The following AUTS2 variants were observed in gnomAD, a reference collection of about 807,000 sequenced individuals.
The protein encoded by AUTS2 is activator of transcription and developmental regulator AUTS2.
A neutral mutation model predicts 112.4 loss-of-function variants in AUTS2; 17 were observed. The ratio of observed to expected loss-of-function variants is 0.15; its 90% confidence interval spans 0.10 to 0.23. The LOEUF (loss-of-function observed/expected upper bound fraction) is 0.23, where lower values mean the gene tolerates loss of function less well. Among genes scored for constraint, AUTS2 ranks in the 10% least tolerant of loss-of-function variants. The pLI, the probability that AUTS2 is intolerant of heterozygous loss-of-function variation, is 1.00. For missense variants in AUTS2, 1,510 were observed against 1,701.6 expected, an observed-to-expected ratio of 0.89 and a Z score of 1.98; for synonymous variants, 751 against 702.7, an observed-to-expected ratio of 1.07 and a Z score of -1.09.
chr7:69,930,079 A>G (rs1796170112), intron 2 of AUTS2, among the ~76,000 whole-genome samples: 1 of 152,176 alleles, frequency 6.6e-6, no homozygotes, highest in African/African-American at 2.4e-5. Context: ...ATTCCTCATT[A>G]CTTTTGCAAG....
intron 5 of AUTS2, among the ~76,000 whole-genome samples, chr7:70,686,431 C>T (rs1335113001): frequency 6.6e-6 from 1 of 152,154 alleles, no homozygotes; most frequent in East Asian, 1.9e-4. Context: ...AGGATTTGAA[C>T]CCATTGGTTC....
chr7:70,156,028 G>A (rs1386217197), intron 4 of AUTS2, among the ~76,000 whole-genome samples: 1 of 152,094 alleles, frequency 6.6e-6, no homozygotes, highest in East Asian at 1.9e-4. Flanking sequence ...TGACACGTGG[G>A]TAGTGCTGAC....
intron 4 of AUTS2, among the ~76,000 whole-genome samples, chr7:70,197,083 T>C (rs1006401977): frequency 2.0e-5 from 3 of 152,220 alleles, no homozygotes; most frequent in Non-Finnish European, 2.9e-5. Context: ...CATTCTCTTA[T>C]ATACATTTGC....
chr7:69,683,107 G>A (rs139662987), intron 1 of AUTS2, among the ~76,000 whole-genome samples: 2 of 152,374 alleles, frequency 1.3e-5, no homozygotes, highest in East Asian at 3.9e-4. Context: ...TATATTGGGA[G>A]GCTGGATGAG....
At chr7:69,806,489 CAG>C (rs1162247935) in intron 1 of AUTS2, among the ~76,000 whole-genome samples, 2 of 151,944 alleles carry the variant, frequency 1.3e-5, no homozygotes, top group Admixed American at 6.6e-5. Flanking sequence ...TTTTTTGAGA[CAG>C]AGGCTCACTC....
chr7:69,809,341 G>C (rs1400727438), intron 1 of AUTS2, among the ~76,000 whole-genome samples: 1 of 151,816 alleles, frequency 6.6e-6, no homozygotes, highest in African/African-American at 2.4e-5. Flanking sequence ...GCCTCCCAAA[G>C]TGCTGGGATT....
At chr7:70,619,132 C>A (rs759201355) in intron 5 of AUTS2, among the ~76,000 whole-genome samples, 20 of 152,168 alleles carry the variant, frequency 1.3e-4, no homozygotes, top group Non-Finnish European at 2.6e-4. Context: ...AGACCTTCCC[C>A]CCCTCCCCAT....
chr7:70,083,912 A>G (rs569539949), intron 2 of AUTS2, among the ~76,000 whole-genome samples: 5 of 152,082 alleles, frequency 3.3e-5, no homozygotes, highest in Admixed American at 6.6e-5. Flanking sequence ...ATGACACTGT[A>G]TTTTAGCTTG....
chr7:70,115,165 T>C (rs1805293872), intron 2 of AUTS2, among the ~76,000 whole-genome samples: 1 of 152,178 alleles, frequency 6.6e-6, no homozygotes, highest in Admixed American at 6.5e-5. Flanking sequence ...GAAGTCTGTT[T>C]TTGTGCCTTG....
In AUTS2 at chr7:70,084,932, G is replaced by A. The variant is rs117555552; in HGVS notation, c.523-33200G>A. Among the ~76,000 whole-genome samples, 877 of 152,160 alleles carry A rather than the reference G, an allele frequency of 5.8e-3. 3 individuals carry two copies. The highest frequency in any genetic ancestry group is 0.018 in the South Asian group (89 of 4,814). ...CTGTCACCCAGGCTGGAGTGCAGTG[G>A]CATGGTTATAGCTCACCGTAACCTT... On this transcript the variant is annotated intron_variant, in intron 2 of 18. Coordinates refer to ENST00000342771, the MANE Select transcript of AUTS2 (RefSeq NM_015570.4).
At chr7:70,026,086 G>A (rs1800509567) in intron 2 of AUTS2, among the ~76,000 whole-genome samples, 2 of 152,190 alleles carry the variant, frequency 1.3e-5, no homozygotes, top group Non-Finnish European at 2.9e-5. Flanking sequence ...CCTTCACAGG[G>A]ATTAGTCACA....
intron 1 of AUTS2, among the ~76,000 whole-genome samples, chr7:69,691,915 C>G (rs1797363900): frequency 6.6e-6 from 1 of 152,072 alleles, no homozygotes; most frequent in South Asian, 2.1e-4. Flanking sequence ...AGACATGAAG[C>G]CTCCACCCAT....
chr7:70,208,093 G>A (rs573591893), intron 4 of AUTS2, among the ~76,000 whole-genome samples: 24 of 146,176 alleles, frequency 1.6e-4, no homozygotes, highest in Admixed American at 6.9e-4. Context: ...CATATGTATT[G>A]TATCTGCTTT....
At chr7:70,373,335 C>T (rs1189580330) in intron 4 of AUTS2, among the ~76,000 whole-genome samples, 3 of 151,912 alleles carry the variant, frequency 2.0e-5, no homozygotes, top group South Asian at 4.2e-4. Flanking sequence ...AGAGAGCACC[C>T]GATTAAATTG....
intron 4 of AUTS2, among the ~76,000 whole-genome samples, chr7:70,154,682 G>T (rs1037789546): frequency 1.3e-5 from 2 of 152,146 alleles, no homozygotes; most frequent in Admixed American, 1.3e-4. Context: ...AAGGTTGTAG[G>T]TTGTACAAAC....
intron 1 of AUTS2, among the ~76,000 whole-genome samples, chr7:69,726,849 G>T (rs1786542071): frequency 6.6e-6 from 1 of 151,898 alleles, no homozygotes; most frequent in Admixed American, 6.6e-5. Flanking sequence ...AGTTTTTTTT[G>T]ACCATTTTCA....
intron 6 of AUTS2, among the ~76,000 whole-genome samples, chr7:70,713,763 C>T (rs1342194871): frequency 2.0e-5 from 3 of 152,064 alleles, no homozygotes; most frequent in Non-Finnish European, 4.4e-5. Context: ...GGCGTGGTGG[C>T]GGGAGCCTTG....
chr7:70,606,774 A>G (rs985428079), intron 5 of AUTS2, among the ~76,000 whole-genome samples: 3 of 151,718 alleles, frequency 2.0e-5, no homozygotes, highest in African/African-American at 7.3e-5. Context: ...AGGCAGGAGA[A>G]TCGCTTGTAC....
intron 5 of AUTS2, among the ~76,000 whole-genome samples, chr7:70,496,795 A>C (rs1444326520): frequency 2.9e-4 from 35 of 119,154 alleles, no homozygotes; most frequent in African/African-American, 6.7e-4. Flanking sequence ...ACACACACAC[A>C]CCCCACACAT....
Sources: allele counts gnomAD v4.1 joint callset (sites outside exome capture counted in the v4.1 genomes callset), GRCh38; gene constraint gnomAD v4.1.1; transcripts MANE v1.5; gene names NCBI Gene and HGNC (gene_info 2026-07-23, HGNC 2026-07-21).